Variants in COL4A4 observed in about 807,000 individuals in gnomAD.
COL4A4 encodes collagen type IV alpha 4 chain, also known as collagen alpha-4(IV) chain.
Under a neutral mutation model 192.9 loss-of-function variants are expected in COL4A4, and 105 were observed. That is an observed-to-expected ratio of 0.54 (90% CI 0.46 to 0.64). The LOEUF is 0.64. Ranked by LOEUF, COL4A4 falls within the 30% of genes least tolerant of loss-of-function variation. The probability of loss-of-function intolerance (pLI) is 0.00; values close to 1 mark genes in which losing one functional copy is unlikely to be tolerated. For missense variants in COL4A4, 1,967 were observed against 2,169.3 expected, an observed-to-expected ratio of 0.91 and a Z score of 1.85; for synonymous variants, 762 against 769.9, an observed-to-expected ratio of 0.99 and a Z score of 0.17.
the COL4A4 span, chr2:226,988,705 A>G: frequency 1.0e-6 from 1 of 959,116 alleles, no homozygotes; most frequent in Non-Finnish European, 1.2e-6. Context: ...CATTTTACAG[A>G]CCTCATATAC....
the COL4A4 span, among the ~76,000 whole-genome samples, chr2:226,983,977 T>C: frequency 6.6e-6 from 1 of 152,252 alleles, no homozygotes; most frequent in Non-Finnish European, 1.5e-5. Context: ...ATGGAGGAAC[T>C]GTCCCTGCTC....
At chr2:227,031,191 A>T (rs2149968319) in intron 40 of COL4A4, among the ~76,000 whole-genome samples, 1 of 152,314 alleles carries the variant, frequency 6.6e-6, no homozygotes, top group Non-Finnish European at 1.5e-5. Context: ...GAATAAATTG[A>T]CCCCAATTAT....
intron 43 of COL4A4, chr2:227,022,467 GA>G (rs748165747): frequency 9.7e-6 from 6 of 619,838 alleles, no homozygotes; most frequent in South Asian, 6.9e-5. Flanking sequence ...AAGGTCGGAT[GA>G]TGCAGCAACG....
At chr2:227,048,610 G>C (rs1315925790) in intron 34 of COL4A4, among the ~76,000 whole-genome samples, 1 of 152,180 alleles carries the variant, frequency 6.6e-6, no homozygotes, top group Non-Finnish European at 1.5e-5. Context: ...TAAGGGCTAG[G>C]GTTCCTTTAG....
At chr2:226,976,791 CTCT>C in the COL4A4 span, among the ~76,000 whole-genome samples, 1 of 152,232 alleles carries the variant, frequency 6.6e-6, no homozygotes, top group African/African-American at 2.4e-5. Flanking sequence ...GGAGTGAGGC[CTCT>C]TGGCCCTGGG....
intron 18 of COL4A4, among the ~76,000 whole-genome samples, 157 bp downstream of exon 18, chr2:227,099,463 C>A (rs528415384): frequency 1.1e-4 from 17 of 152,296 alleles, no homozygotes; most frequent in Middle Eastern, 3.4e-3. Context: ...CTGAAAAAAA[C>A]CTCATGCACA....
chr2:227,028,044 T>A (rs1329907374), intron 41 of COL4A4, 35 bp from the exon 42 acceptor site: 2 of 1,348,444 alleles, frequency 1.5e-6, no homozygotes, highest in Non-Finnish European at 2.1e-6. Context: ...ATGAGGGCAC[T>A]GGAATGAGAC....
intron 13 of COL4A4, 132 bp from the exon 14 acceptor site, chr2:227,103,329 A>C: frequency 1.4e-6 from 1 of 725,876 alleles, no homozygotes; most frequent in South Asian, 1.8e-5. Flanking sequence ...ATTACTCTTC[A>C]CCTGTTCTAA....
At chr2:227,059,293 TA>T in intron 28 of COL4A4, 111 bp downstream of exon 28, 1 of 921,126 alleles carries the variant, frequency 1.1e-6, no homozygotes, top group Non-Finnish European at 1.8e-6. Context: ...AACACTTGGG[TA>T]AACTGTTTAT....
At chr2:227,144,452 CA>C in intron 3 of COL4A4, 63 bp downstream of exon 3, 1 of 1,426,220 alleles carries the variant, frequency 7.0e-7, no homozygotes, top group South Asian at 1.2e-5. Flanking sequence ...GAAAGTATAA[CA>C]AAAATTATGC....
At chr2:227,071,362 T>A (rs1295334749) in intron 25 of COL4A4, among the ~76,000 whole-genome samples, 1 of 152,070 alleles carries the variant, frequency 6.6e-6, no homozygotes, top group Non-Finnish European at 1.5e-5. Flanking sequence ...AATCATAAAT[T>A]TATATGCACC....
At chr2:227,044,699 T>C (rs116380898) in intron 35 of COL4A4, among the ~76,000 whole-genome samples, 4 of 152,170 alleles carry the variant, frequency 2.6e-5, no homozygotes, top group Non-Finnish European at 5.9e-5. Context: ...ATATTTTCTC[T>C]CTGAATAGAG....
At chr2:227,070,767 C>G (rs2058673136) in intron 25 of COL4A4, among the ~76,000 whole-genome samples, 2 of 151,414 alleles carry the variant, frequency 1.3e-5, no homozygotes, top group Non-Finnish European at 1.5e-5. Context: ...GGAGTTATAC[C>G]TAATGCTAGA....
At chr2:226,971,889 A>G in the COL4A4 span, among the ~76,000 whole-genome samples, 1 of 150,218 alleles carries the variant, frequency 6.7e-6, no homozygotes, top group African/African-American at 2.5e-5. Flanking sequence ...ATAGAAAACT[A>G]GAGAGAAAGC....
intron 44 of COL4A4, among the ~76,000 whole-genome samples, chr2:227,016,699 C>T (rs1198104888): frequency 6.6e-6 from 1 of 152,188 alleles, no homozygotes; most frequent in Non-Finnish European, 1.5e-5. Context: ...TCTTACATCC[C>T]TACGACCAGC....
At chr2:227,032,954 G>A (rs185243554) in intron 38 of COL4A4, among the ~76,000 whole-genome samples, 13 of 152,254 alleles carry the variant, frequency 8.5e-5, no homozygotes, top group South Asian at 4.1e-4. Context: ...ACCTGTTTGC[G>A]GTATGAAAAT....
the COL4A4 span, among the ~76,000 whole-genome samples, chr2:226,982,626 T>A: frequency 6.6e-6 from 1 of 152,210 alleles, no homozygotes; most frequent in Non-Finnish European, 1.5e-5. Context: ...ATAGACTGAA[T>A]TGTGTTCCAA....
intron 46 of COL4A4, 71 bp downstream of exon 46, chr2:227,010,242 T>C: frequency 1.3e-6 from 2 of 1,488,844 alleles, no homozygotes; most frequent in East Asian, 4.5e-5. Flanking sequence ...TTTAAGGTGC[T>C]GATGAATCAG....
chr2:227,120,945 A>C lies in COL4A4; in HGVS notation c.327+69T>G, dbSNP rs201332855. ...CAGAGTAAGACTGTCTAAAAAAAAC[A>C]AAAACAAAAAATGGTGCAGTAGTGC... is the stretch of plus-strand genomic sequence containing the variant. On this transcript the variant is annotated intron_variant, in intron 5 of 47. Coordinates refer to ENST00000396625, the MANE Select transcript of COL4A4 (RefSeq NM_000092.5). 7 of 1,607,516 alleles carry C rather than the reference A, an allele frequency of 4.4e-6. No individual in the cohort carries two copies. In the South Asian group the frequency reaches 5.5e-5, roughly 13 times the overall value.
Sources: allele counts gnomAD v4.1 joint callset (sites outside exome capture counted in the v4.1 genomes callset), GRCh38; gene constraint gnomAD v4.1.1; transcripts MANE v1.5; gene names NCBI Gene and HGNC (gene_info 2026-07-23, HGNC 2026-07-21).